PTPN21: variants seen among roughly 807,000 people sequenced by gnomAD.
PTPN21 encodes the protein protein tyrosine phosphatase non-receptor type 21, also known as tyrosine-protein phosphatase non-receptor type 21.
Under a neutral mutation model 131.8 loss-of-function variants are expected in PTPN21, and 77 were observed. The ratio of observed to expected loss-of-function variants is 0.58; its 90% confidence interval spans 0.49 to 0.71. The LOEUF is 0.71. Among genes scored for constraint, PTPN21 ranks in the 30% least tolerant of loss-of-function variants. The pLI is 0.00. For missense variants in PTPN21, 1,552 were observed against 1,527.1 expected (o/e 1.02, Z -0.27); for synonymous variants, 715 against 621.3 (o/e 1.15, Z -2.24).
chr14:88,536,997 C>T (rs2078641017), intron 2 of PTPN21, among the ~76,000 whole-genome samples: 2 of 152,160 alleles, frequency 1.3e-5, no homozygotes, highest in South Asian at 4.1e-4. Context: ...GTGGCGGTCA[C>T]ATTGCCTCAA....
At chr14:88,516,001 T>G (rs1051491321) in intron 3 of PTPN21, among the ~76,000 whole-genome samples, 3 of 152,194 alleles carry the variant, frequency 2.0e-5, no homozygotes, top group African/African-American at 7.2e-5. Context: ...CATTCTCTCC[T>G]AATCATTAAC....
chr14:88,506,552 A>C (rs1407245378), intron 4 of PTPN21, among the ~76,000 whole-genome samples: 1 of 152,150 alleles, frequency 6.6e-6, no homozygotes, highest in Non-Finnish European at 1.5e-5. Context: ...TGCTGGGATT[A>C]GAGGCGTGAG....
intron 9 of PTPN21, among the ~76,000 whole-genome samples, chr14:88,496,889 T>C (rs1420725018): frequency 6.6e-6 from 1 of 152,244 alleles, no homozygotes; most frequent in Non-Finnish European, 1.5e-5. Context: ...TCTTCAGAGC[T>C]ATTCATTTAT....
Position 88,468,957 on chromosome 14 carries a change from T to C in PTPN21, c.3355A>G (p.Ile1119Val). The C allele has an allele frequency of 5.6e-6, 9 of 1,614,080 alleles. No individual in the cohort carries two copies. The highest frequency in any genetic ancestry group is 5.1e-6 in the Non-Finnish European group (6 of 1,180,010). ...CAGGCGATCATGATCTCCGACAAAA[T>C]CACCACGCCAGTCCTTCCTACCCCA... ...SAGVGRTGVV[I>V]LSEIMIACLE... The change falls in exon 18 of 19, where the codon ATT (isoleucine) becomes GTT (valine). Residue 1119 changes from isoleucine (I) to valine (V), a missense_variant. Around this residue, in one of 4 missense-constraint regions of PTPN21, gnomAD observed 316 missense variants for 378.5 expected, o/e 0.83. Transcript: ENST00000556564.
intron 1 of PTPN21, among the ~76,000 whole-genome samples, chr14:88,553,307 C>CT (rs1432244312): frequency 2.6e-5 from 4 of 152,002 alleles, no homozygotes; most frequent in Non-Finnish European, 5.9e-5. Flanking sequence ...GAATGGCTTG[C>CT]TTTTTGCTTA....
At chr14:88,517,895 T>C (rs533174581) in intron 2 of PTPN21, among the ~76,000 whole-genome samples, 1 of 147,570 alleles carries the variant, frequency 6.8e-6, no homozygotes, top group African/African-American at 2.5e-5. Context: ...TATACGTGTA[T>C]GTGTATATAT....
At position 88,509,755 on chromosome 14, in the gene PTPN21, G is replaced by A. The variant is rs143634502; in HGVS notation, c.351-1735C>T. 1.1e-3 allele frequency among the ~76,000 whole-genome samples: 162 copies of A among 152,332 alleles called. 2 individuals are homozygous for A. In the East Asian group the frequency reaches 0.023, roughly 22 times the overall value. ...CCTTAAATCAAAAACACTAGAAAGG[G>A]CTGGGTGCAGCGGCTCATGCCTGTA... On this transcript the variant is annotated intron_variant, in intron 3 of 18. Coordinates refer to ENST00000556564, the MANE Select transcript of PTPN21 (RefSeq NM_007039.4).
intron 2 of PTPN21, among the ~76,000 whole-genome samples, chr14:88,545,124 C>T (rs10873392): frequency 0.54 from 81,477 of 152,078 alleles, 24,557 homozygotes; most frequent in Middle Eastern, 0.7. Context: ...CGTGAGCCAC[C>T]GCGCCTGGCC....
At chr14:88,502,437 C>A (rs1211943749) in intron 6 of PTPN21, among the ~76,000 whole-genome samples, 2 of 152,176 alleles carry the variant, frequency 1.3e-5, no homozygotes, top group African/African-American at 2.4e-5. Context: ...CCAACACATT[C>A]CGCCCATACC....
chr14:88,510,411 A>G (rs1039284682), intron 3 of PTPN21, among the ~76,000 whole-genome samples: 1 of 152,228 alleles, frequency 6.6e-6, no homozygotes, highest in African/African-American at 2.4e-5. Flanking sequence ...GTTACCTTTA[A>G]GTGATGAAGA....
At chr14:88,504,286 T>A (rs2078056068) in intron 6 of PTPN21, 139 bp downstream of exon 6, 1 of 672,224 alleles carries the variant, frequency 1.5e-6, no homozygotes, top group Non-Finnish European at 2.6e-6. Context: ...TGGCTACTTG[T>A]AATAGTAGTG....
intron 2 of PTPN21, chr14:88,547,691 T>C (rs1364163665): frequency 1.3e-5 from 6 of 455,190 alleles, no homozygotes; most frequent in Middle Eastern, 3.2e-4. Context: ...GACTGGTTAC[T>C]GAGGCCTGCT....
At chr14:88,508,079 G>T (rs909312240) in intron 3 of PTPN21, 59 bp from the exon 4 acceptor site, 2 of 860,980 alleles carry the variant, frequency 2.3e-6, no homozygotes, top group Non-Finnish European at 3.6e-6. Flanking sequence ...GAGATACAAT[G>T]CATTTAACCA....
At position 88,479,735 on chromosome 14, in the gene PTPN21, G is replaced by A. The variant is rs780109422; in HGVS notation, c.1696C>T (p.Pro566Ser). ...NIMRTQVYRPPPPYPPPRPAN... is the reference protein window; with the variant it reads ...NIMRTQVYRPSPPYPPPRPAN... ...GGCCTGGGGGGCGGGTAGGGTGGGG[G>A]TGGCCGGTACACCTGCGTCCGCATG... Residue 566 changes from proline (P) to serine (S), a missense_variant, in exon 13 of 19, where the codon CCC becomes TCC. Physicochemically the swap from Pro to Ser is moderately conservative, Grantham distance 74 (BLOSUM62 -1). Around this residue, in one of 4 missense-constraint regions of PTPN21, gnomAD observed 1,016 missense variants for 883.5 expected, o/e 1.15. Transcript: ENST00000556564. The A allele has an allele frequency of 2.6e-6, 4 of 1,524,744 alleles. No individual in the cohort carries two copies. Among genetic ancestry groups the A allele is most frequent in the East Asian group, 2.3e-5 (1 of 43,932 alleles). The allele number at this position is 1,524,744 out of a possible 1,614,324, so 94.5% of individuals were successfully genotyped here.
At chr14:88,490,821 C>T (rs1480610865) in intron 10 of PTPN21, among the ~76,000 whole-genome samples, 1 of 152,210 alleles carries the variant, frequency 6.6e-6, no homozygotes, top group East Asian at 1.9e-4. Context: ...GAGAAAGTCT[C>T]TTGAACCCTC....
At chr14:88,528,891 G>A (rs2078517405) in intron 2 of PTPN21, among the ~76,000 whole-genome samples, 1 of 152,192 alleles carries the variant, frequency 6.6e-6, no homozygotes, top group Non-Finnish European at 1.5e-5. Flanking sequence ...ATGAGTCTTA[G>A]GGGTTTTCTA....
rs571392829 is a variant in PTPN21, at chr14:88,536,736, T to C, written c.180+13502A>G. Among the ~76,000 whole-genome samples, 59 of 152,356 alleles carry C rather than the reference T, an allele frequency of 3.9e-4. 1 individual carries two copies. The highest frequency in any genetic ancestry group is 1.4e-3 in the African/African-American group (57 of 41,586). On this transcript the variant is annotated intron_variant, in intron 2 of 18. Coordinates refer to ENST00000556564, the MANE Select transcript of PTPN21 (RefSeq NM_007039.4). ...TTTTAAAGCCACTGATGCATTGGGT[T>C]GATAAAAGTTAATCCCATCTAAAAT...
chr14:88,495,383 G>A (rs567764476), intron 10 of PTPN21, among the ~76,000 whole-genome samples: 6 of 152,272 alleles, frequency 3.9e-5, no homozygotes, highest in East Asian at 1.9e-4. Context: ...AAGGAGGGCC[G>A]GGCACGGTGG....
At chr14:88,498,157 T>C (rs2077953232) in intron 8 of PTPN21, among the ~76,000 whole-genome samples, 1 of 150,304 alleles carries the variant, frequency 6.7e-6, no homozygotes, top group Admixed American at 6.6e-5. Context: ...GCACCTGTAA[T>C]CCCAGCTACT....
Sources: gnomAD v4.1 joint callset for allele counts (sites outside exome capture counted in the v4.1 genomes callset) on GRCh38, gnomAD v4.1.1 for gene constraint, gnomAD v4.1.1 regional missense constraint, MANE v1.5 for transcripts, NCBI Gene and HGNC (gene_info 2026-07-23, HGNC 2026-07-21) for gene names.